The following ADAMTS12 variants were observed in gnomAD, a reference collection of about 807,000 sequenced individuals.
The protein encoded by ADAMTS12 is ADAM metallopeptidase with thrombospondin type 1 motif 12.
ADAMTS12 carries 118 observed loss-of-function variants against 167.8 expected under a neutral mutation model. That is an observed-to-expected ratio of 0.70 (90% CI 0.61 to 0.82). The LOEUF (loss-of-function observed/expected upper bound fraction) is 0.82. ADAMTS12 is among the 40% of genes least tolerant of loss of function. The pLI, the probability that ADAMTS12 is intolerant of heterozygous loss-of-function variation, is 0.00. For synonymous variants in ADAMTS12, 704 were observed against 716.9 expected (o/e 0.98, Z 0.29); for missense variants, 1,916 against 1,998.8 (o/e 0.96, Z 0.79).
intron 2 of ADAMTS12, among the ~76,000 whole-genome samples, chr5:33,806,125 C>A (rs1180016965): frequency 6.6e-6 from 1 of 152,142 alleles, no homozygotes; most frequent in African/African-American, 2.4e-5. Context: ...AGCTACAAAT[C>A]TGTTGTGAAT....
Position 33,525,285 on chromosome 5 carries a change from A to G in ADAMTS12, c.*1903T>C, listed in dbSNP as rs987566631. On this transcript the variant is annotated 3_prime_UTR_variant, in exon 24 of 24. Coordinates refer to ENST00000504830, the MANE Select transcript of ADAMTS12 (RefSeq NM_030955.4). ...TTTATGTTTAAAGGCAGAGAATACA[A>G]TAATGTAATTATCATCTAGAAATAA... 1 of 152,242 alleles carries G rather than the reference A, an allele frequency of 6.6e-6. No individual in the cohort carries two copies. The highest frequency in any genetic ancestry group is 2.4e-5 in the African/African-American group (1 of 41,454). 9.4% of individuals were successfully genotyped at this position (152,242 alleles called of 1,614,324 possible).
chr5:33,648,157 A>T (rs1740746033), intron 9 of ADAMTS12, among the ~76,000 whole-genome samples: 1 of 152,240 alleles, frequency 6.6e-6, no homozygotes, highest in Non-Finnish European at 1.5e-5. Context: ...CTGCCTCAAA[A>T]GGAGGTGGAA....
At chr5:33,552,292 AACAGAC>A (rs1466948242) in intron 20 of ADAMTS12, among the ~76,000 whole-genome samples, 1 of 152,228 alleles carries the variant, frequency 6.6e-6, no homozygotes, top group Non-Finnish European at 1.5e-5. Flanking sequence ...TTGGGGGACT[AACAGAC>A]CAACTCCATC....
intron 7 of ADAMTS12, among the ~76,000 whole-genome samples, chr5:33,656,922 A>G (rs1055302208): frequency 1.3e-5 from 2 of 152,204 alleles, no homozygotes; most frequent in African/African-American, 4.8e-5. Flanking sequence ...TAGCTTCTCT[A>G]TCTCTGAATT....
intron 2 of ADAMTS12, among the ~76,000 whole-genome samples, chr5:33,751,951 T>A (rs772776754): frequency 1.2e-4 from 19 of 152,214 alleles, no homozygotes; most frequent in South Asian, 4.1e-4. Flanking sequence ...ACTGACAACT[T>A]TTAGAACATT....
chr5:33,834,276 A>T (rs894615595), intron 2 of ADAMTS12, among the ~76,000 whole-genome samples: 1 of 152,178 alleles, frequency 6.6e-6, no homozygotes, highest in Non-Finnish European at 1.5e-5. Context: ...GGGAATCACA[A>T]TACAGTCCAT....
intron 16 of ADAMTS12, among the ~76,000 whole-genome samples, chr5:33,599,879 A>C (rs1738103347): frequency 6.6e-6 from 1 of 152,222 alleles, no homozygotes; most frequent in African/African-American, 2.4e-5. Flanking sequence ...AGCAGTTATC[A>C]TTATGTGACA....
intron 2 of ADAMTS12, among the ~76,000 whole-genome samples, chr5:33,822,416 T>C (rs1244568996): frequency 1.3e-5 from 2 of 152,174 alleles, no homozygotes; most frequent in South Asian, 2.1e-4. Context: ...TCACTTTTTA[T>C]TGGGCCTCAG....
At chr5:33,764,253 T>C (rs1282945048) in intron 2 of ADAMTS12, among the ~76,000 whole-genome samples, 1 of 152,256 alleles carries the variant, frequency 6.6e-6, no homozygotes, top group Non-Finnish European at 1.5e-5. Context: ...TATGGCATGA[T>C]GAAAAATCTG....
intron 3 of ADAMTS12, among the ~76,000 whole-genome samples, chr5:33,705,302 TGC>T (rs1554036494): frequency 1.6e-4 from 24 of 147,536 alleles, no homozygotes; most frequent in African/African-American, 3.0e-4. Context: ...TGTGTGTGTG[TGC>T]GTGTATACAT....
chr5:33,851,273 A>G (rs1171237507), intron 2 of ADAMTS12, among the ~76,000 whole-genome samples: 3 of 152,170 alleles, frequency 2.0e-5, no homozygotes, highest in East Asian at 3.9e-4. Flanking sequence ...TTAACCAGGC[A>G]TGGTGGTGGG....
rs141731194 is a variant in ADAMTS12, at chr5:33,567,170, CAT to C, written c.3973-5993_3973-5992del. On this transcript the variant is annotated intron_variant, in intron 19 of 23. Coordinates refer to ENST00000504830, the MANE Select transcript of ADAMTS12 (RefSeq NM_030955.4). Reference sequence around the variant, plus strand: ...TTCTAATTACATATGCACACACACACATGTCATTCATATTTTAATGGTTCTGA... The same window carrying C: ...TTCTAATTACATATGCACACACACACGTCATTCATATTTTAATGGTTCTGA... 4.1e-3 allele frequency among the ~76,000 whole-genome samples: 624 copies of C among 152,306 alleles called. 3 individuals carry two copies. The highest frequency in any genetic ancestry group is 0.012 in the African/African-American group (509 of 41,550).
intron 2 of ADAMTS12, among the ~76,000 whole-genome samples, chr5:33,849,172 G>T: frequency 1.3e-5 from 1 of 77,086 alleles, no homozygotes; most frequent in African/African-American, 5.2e-5. Context: ...GTATTGCATA[G>T]CAATATATAT....
chr5:33,725,103 T>G (rs1475453802), intron 3 of ADAMTS12, among the ~76,000 whole-genome samples: 1 of 152,172 alleles, frequency 6.6e-6, no homozygotes, highest in Non-Finnish European at 1.5e-5. Context: ...TCAGCTTAGC[T>G]CTGCTTGATG....
chr5:33,556,852 C>T (rs932659742), intron 20 of ADAMTS12, among the ~76,000 whole-genome samples: 2 of 152,202 alleles, frequency 1.3e-5, no homozygotes, highest in African/African-American at 4.8e-5. Context: ...CCGGACTAAG[C>T]AGCCCAGATG....
intron 12 of ADAMTS12, among the ~76,000 whole-genome samples, chr5:33,634,201 G>A (rs1327279202): frequency 6.6e-6 from 1 of 152,120 alleles, no homozygotes; most frequent in Non-Finnish European, 1.5e-5. Flanking sequence ...TGAATAGACT[G>A]GAAAGTGAGT....
At chr5:33,883,238 A>C (rs1750513542) in intron 1 of ADAMTS12, among the ~76,000 whole-genome samples, 1 of 151,790 alleles carries the variant, frequency 6.6e-6, no homozygotes, top group South Asian at 2.1e-4. Context: ...ATCAGTAAAC[A>C]CTATTGCAGC....
chr5:33,749,676 A>C (rs1744909085), intron 3 of ADAMTS12, among the ~76,000 whole-genome samples: 1 of 152,182 alleles, frequency 6.6e-6, no homozygotes, highest in Admixed American at 6.5e-5. Context: ...TAGAAGTGGA[A>C]AGTCTTGAGA....
chr5:33,869,770 T>C (rs1022147863), intron 2 of ADAMTS12, among the ~76,000 whole-genome samples: 24 of 152,146 alleles, frequency 1.6e-4, no homozygotes, highest in African/African-American at 5.8e-4. Flanking sequence ...TGGGCACACA[T>C]TGTCACTGAT....
Sources: allele counts gnomAD v4.1 joint callset (sites outside exome capture counted in the v4.1 genomes callset), GRCh38; gene constraint gnomAD v4.1.1; transcripts MANE v1.5; gene names NCBI Gene and HGNC (gene_info 2026-07-23, HGNC 2026-07-21).